The following IFT56 variants were observed in gnomAD, a reference collection of about 807,000 sequenced individuals.
IFT56 encodes the protein intraflagellar transport 56, also known as intraflagellar transport protein 56.
chr7:139,138,116 A>T, the IFT56 span, among the ~76,000 whole-genome samples: 2 of 152,226 alleles, frequency 1.3e-5, no homozygotes, highest in African/African-American at 2.4e-5. Flanking sequence ...GTGACTTTTT[A>T]AAAATTTATG....
At chr7:139,142,814 A>AGG in the IFT56 span, among the ~76,000 whole-genome samples, 1 of 152,220 alleles carries the variant, frequency 6.6e-6, no homozygotes, top group East Asian at 1.9e-4. Context: ...CCTGGGCGAC[A>AGG]GCACGAGACT....
chr7:139,139,106 C>G, the IFT56 span, among the ~76,000 whole-genome samples: 1 of 152,164 alleles, frequency 6.6e-6, no homozygotes, highest in Admixed American at 6.6e-5. Flanking sequence ...GCCACTGCGC[C>G]CAGCCACATT....
At chr7:139,184,743 T>C in the IFT56 span, among the ~76,000 whole-genome samples, 1 of 152,098 alleles carries the variant, frequency 6.6e-6, no homozygotes, top group Non-Finnish European at 1.5e-5. Context: ...ACATCGTCTC[T>C]ATAAAACATT....
chr7:139,189,699 TA>T, the IFT56 span: 1 of 247,592 alleles, frequency 4.0e-6, no homozygotes, highest in African/African-American at 2.2e-5. Context: ...AGAGTACTTT[TA>T]TGCAATTTAC....
At chr7:139,145,088 A>G in the IFT56 span, among the ~76,000 whole-genome samples, 1 of 152,166 alleles carries the variant, frequency 6.6e-6, no homozygotes, top group Non-Finnish European at 1.5e-5. Flanking sequence ...GCACATAGAA[A>G]AGGGGCAAAT....
At chr7:139,159,486 T>A in the IFT56 span, among the ~76,000 whole-genome samples, 1 of 152,214 alleles carries the variant, frequency 6.6e-6, no homozygotes, top group African/African-American at 2.4e-5. Flanking sequence ...GTTTTATCCT[T>A]CCTTTGCCAG....
chr7:139,170,006 C>G, the IFT56 span, among the ~76,000 whole-genome samples: 6 of 152,036 alleles, frequency 3.9e-5, no homozygotes, highest in South Asian at 1.2e-3. Flanking sequence ...AGAGTGAGAC[C>G]GTCATCTCAA....
the IFT56 span, chr7:139,147,146 T>C: frequency 1.2e-6 from 2 of 1,612,136 alleles, no homozygotes; most frequent in African/African-American, 2.7e-5. Flanking sequence ...CAATTTTAGT[T>C]TAATGATGAG....
At chr7:139,161,113 C>A in the IFT56 span, 1 of 1,176,248 alleles carries the variant, frequency 8.5e-7, no homozygotes, top group Non-Finnish European at 1.2e-6. Context: ...AGGAGATGCG[C>A]CAGCAAGTAA....
At chr7:139,168,465 C>A in the IFT56 span, 1 of 1,217,714 alleles carries the variant, frequency 8.2e-7, no homozygotes, top group Non-Finnish European at 1.2e-6. Flanking sequence ...AACAAAATGA[C>A]TATCAAAGTG....
chr7:139,179,414 T>C, the IFT56 span, among the ~76,000 whole-genome samples: 4 of 152,372 alleles, frequency 2.6e-5, no homozygotes, highest in East Asian at 5.8e-4. Flanking sequence ...TGAAATACTT[T>C]AAATCACCAC....
At chr7:139,183,938 A>G in the IFT56 span, among the ~76,000 whole-genome samples, 1 of 152,366 alleles carries the variant, frequency 6.6e-6, no homozygotes, top group South Asian at 2.1e-4. Context: ...ACTACTCAGT[A>G]ATAAAAAGGA....
chr7:139,154,226 A>G, the IFT56 span, among the ~76,000 whole-genome samples: 12 of 152,178 alleles, frequency 7.9e-5, no homozygotes, highest in East Asian at 1.7e-3. Flanking sequence ...CATATATTCT[A>G]GGTTCAGTCC....
At chr7:139,148,200 T>G in the IFT56 span, 2 of 1,602,516 alleles carry the variant, frequency 1.2e-6, no homozygotes. Flanking sequence ...TTCTTTCATC[T>G]AATAGGGAAT....
the IFT56 span, chr7:139,179,622 C>T: frequency 1.2e-6 from 2 of 1,613,912 alleles, no homozygotes; most frequent in Admixed American, 1.7e-5. Flanking sequence ...TTACATTTAC[C>T]TCAGCTGGTT....
the IFT56 span, chr7:139,147,387 CTA>C: frequency 4.9e-5 from 50 of 1,018,764 alleles, no homozygotes; most frequent in Non-Finnish European, 6.9e-5. Context: ...TCTAGTACCA[CTA>C]TGTGTTCAAA....
the IFT56 span, among the ~76,000 whole-genome samples, chr7:139,155,390 C>G: frequency 6.6e-6 from 1 of 152,094 alleles, no homozygotes; most frequent in Non-Finnish European, 1.5e-5. Flanking sequence ...TGTTCCTGAT[C>G]GTAGGTGGAA....
chr7:139,170,610 A>G, the IFT56 span, among the ~76,000 whole-genome samples: 1 of 152,238 alleles, frequency 6.6e-6, no homozygotes, highest in East Asian at 1.9e-4. Context: ...CCATATGATC[A>G]TTTCAATTGA....
At chr7:139,166,815 G>A in the IFT56 span, 8 of 1,437,208 alleles carry the variant, frequency 5.6e-6, no homozygotes, top group African/African-American at 5.6e-5. Context: ...ATACAGACTA[G>A]TATAATTACT....
Sources: allele counts gnomAD v4.1 joint callset (sites outside exome capture counted in the v4.1 genomes callset), GRCh38; gene constraint gnomAD v4.1.1; transcripts MANE v1.5; gene names NCBI Gene and HGNC (gene_info 2026-07-23, HGNC 2026-07-21).